LMTK2: variants seen among roughly 807,000 people sequenced by gnomAD.
The protein encoded by LMTK2 is lemur tail kinase 2.
Under a neutral mutation model 127.5 loss-of-function variants are expected in LMTK2, and 37 were observed. The ratio of observed to expected loss-of-function variants is 0.29; its 90% CI spans 0.22 to 0.38. The LOEUF (loss-of-function observed/expected upper bound fraction) is 0.38. Ranked by LOEUF, LMTK2 falls within the 10% of genes least tolerant of loss-of-function variation. LMTK2 has a pLI of 1.00. For synonymous variants in LMTK2, 819 were observed against 810.1 expected (o/e 1.01, Z -0.19); for missense variants, 1,694 against 1,920.3 (o/e 0.88, Z 2.20).
chr7:98,199,990 G>T (rs1469154581), intron 11 of LMTK2, among the ~76,000 whole-genome samples: 1 of 151,982 alleles, frequency 6.6e-6, no homozygotes, highest in Admixed American at 6.6e-5. Flanking sequence ...TGATATTTTG[G>T]ATTTACGTAT....
In LMTK2 at chr7:98,193,483, C is replaced by T. The variant is rs373570191; in HGVS notation, c.3018C>T (p.His1006=). 2.7e-5 allele frequency: 43 copies of T among 1,614,042 alleles called. No individual in the cohort carries two copies. Among genetic ancestry groups the T allele is most frequent in the Middle Eastern group, 1.6e-4 (1 of 6,082 alleles). ...ACTCTCTGGAGTCAGTGGATGTCCA[C>T]GAAGCGCTACTGGACTCTTTAGGAT... ...TPDSLESVDV[H]EALLDSLGSH... is the part of the protein sequence containing the mutation. The change falls in exon 11 of 14, where the codon CAC becomes CAT. Residue 1006 remains histidine, a synonymous_variant. Coordinates refer to ENST00000297293, the MANE Select transcript of LMTK2 (RefSeq NM_014916.4). This position sits in a 1 kb window ranked among gnomAD's most constrained non-coding sequence, Gnocchi z 4.1.
chr7:98,106,921 C>G lies in LMTK2; in HGVS notation c.-257C>G. The G allele has an allele frequency of 2.2e-6, 1 of 453,014 alleles. No homozygotes were observed. The allele number at this position is 453,014 out of a possible 1,614,324, so 28.1% of individuals were successfully genotyped here. ...GCGGCTTCCCAGGCCCGCCGCTCCG[C>G]AGGGCTGCTGGCGTTGCTGCTGTTG... On this transcript the variant is annotated 5_prime_UTR_variant, in exon 1 of 14. Coordinates refer to ENST00000297293, the MANE Select transcript of LMTK2 (RefSeq NM_014916.4).
chr7:98,158,464 C>T (rs1007167853), intron 5 of LMTK2, among the ~76,000 whole-genome samples: 3 of 152,102 alleles, frequency 2.0e-5, no homozygotes, highest in Non-Finnish European at 4.4e-5. Flanking sequence ...TTGTACAGAT[C>T]TGGTCTCCCT....
Position 98,173,306 on chromosome 7 carries a change from G to GT in LMTK2, c.791+1645dup, listed in dbSNP as rs34546502. Among the ~76,000 whole-genome samples, 487 of 142,526 alleles carry GT rather than the reference G, an allele frequency of 3.4e-3. 2 individuals carry two copies. The highest frequency in any genetic ancestry group is 0.014 in the South Asian group (63 of 4,522). The allele number at this position is 142,526 out of a possible 152,430, so 93.5% of individuals were successfully genotyped here. A position where few individuals can be genotyped will look rare whatever the true frequency, so the allele number is the denominator to read the frequency against. ...AGTAAACAAATCATTCTGGTAAAGT[G>GT]TTTTTTTTTTTTTAAAGACTCAAAA... On this transcript the variant is annotated intron_variant, in intron 7 of 13. Coordinates refer to ENST00000297293, the MANE Select transcript of LMTK2 (RefSeq NM_014916.4).
chr7:98,126,423 T>G (rs532306019), intron 1 of LMTK2: 35 of 152,388 alleles, frequency 2.3e-4, no homozygotes. Context: ...TGCATCGGCT[T>G]CCGGAGTGTG....
In LMTK2 at chr7:98,108,471, T is replaced by C. The variant is rs1796150368; in HGVS notation, c.103+1191T>C. Among the ~76,000 whole-genome samples the C allele has an allele frequency of 2.0e-5, 3 of 152,352 alleles. No individual in the cohort carries two copies. The South Asian group carries it at 6.2e-4, about 32-fold the overall frequency. ...AGCTACATCAGGGTTTGTCATTGAG[T>C]GCCCTTTAGTTGAACGTTAAATGTC... On this transcript the variant is annotated intron_variant, in intron 1 of 13. Transcript: ENST00000297293.
chr7:98,153,505 T>TGA (rs1271056829), intron 4 of LMTK2, among the ~76,000 whole-genome samples: 12 of 152,192 alleles, frequency 7.9e-5, no homozygotes, highest in African/African-American at 2.9e-4. Flanking sequence ...TGGTACATCC[T>TGA]TGCGTGGAAT....
intron 9 of LMTK2, among the ~76,000 whole-genome samples, chr7:98,188,631 A>T (rs1329039067): frequency 1.3e-5 from 2 of 152,144 alleles, no homozygotes; most frequent in Non-Finnish European, 2.9e-5. Context: ...TTTGCAGGGC[A>T]TAGTGTTCTT....
At chr7:98,141,747 G>A (rs1218790551) in intron 3 of LMTK2, among the ~76,000 whole-genome samples, 2 of 152,116 alleles carry the variant, frequency 1.3e-5, no homozygotes. Context: ...CCCTGGGTCT[G>A]GTATGAGAAT....
chr7:98,182,281 A>G (rs933489950), intron 7 of LMTK2, among the ~76,000 whole-genome samples: 2 of 152,252 alleles, frequency 1.3e-5, no homozygotes, highest in Non-Finnish European at 2.9e-5. Flanking sequence ...TAATCAAAAG[A>G]CACTATCAAT....
intron 5 of LMTK2, among the ~76,000 whole-genome samples, chr7:98,158,873 A>G (rs1034817594): frequency 6.6e-6 from 1 of 152,146 alleles, no homozygotes; most frequent in Admixed American, 6.5e-5. Flanking sequence ...TTAAAATATT[A>G]TCTCCTAACT....
rs767601909 is a variant in LMTK2 at position 98,194,000 on chromosome 7, A to T, written c.3535A>T (p.Thr1179Ser). 44 of 1,614,126 alleles carry T rather than the reference A, an allele frequency of 2.7e-5. No homozygotes were observed. Among genetic ancestry groups the T allele is most frequent in the Non-Finnish European group, 2.6e-5 (31 of 1,180,042 alleles). The change falls in exon 11 of 14, where the codon ACG becomes TCG. Residue 1179 changes from threonine to serine, a missense_variant. Physicochemically the swap from Thr to Ser is moderately conservative, Grantham distance 58. This residue lies in a region of LMTK2 where 554 missense variants were observed against 567.7 expected (regional missense o/e 0.98). Transcript: ENST00000297293. This position sits in a 1 kb window ranked among gnomAD's most constrained non-coding sequence, Gnocchi z 4.1. ...CTCCAGTGACCTGGAATTAAGAGCC[A>T]CGCCGGAGCCAGCACAGACTGGTGT... ...HNSSDLELRA[T>S]PEPAQTGVPQ...
At chr7:98,124,049 C>T (rs1796408006) in intron 1 of LMTK2, among the ~76,000 whole-genome samples, 1 of 152,074 alleles carries the variant, frequency 6.6e-6, no homozygotes, top group African/African-American at 2.4e-5. Flanking sequence ...GTCTGTTTCC[C>T]TCAGGTTCCT....
chr7:98,118,333 G>A (rs1451373451), intron 1 of LMTK2, among the ~76,000 whole-genome samples: 5 of 152,120 alleles, frequency 3.3e-5, no homozygotes, highest in African/African-American at 4.8e-5. Flanking sequence ...GAATATGAAC[G>A]AAACCTCTTT....
chr7:98,190,506 C>T (rs1292474712), intron 9 of LMTK2, among the ~76,000 whole-genome samples: 3 of 152,138 alleles, frequency 2.0e-5, no homozygotes, highest in East Asian at 1.9e-4. Flanking sequence ...CACTTGAACC[C>T]GGGAGGCAGA....
intron 11 of LMTK2, among the ~76,000 whole-genome samples, chr7:98,198,393 G>A (rs1392572694): frequency 1.3e-5 from 2 of 152,118 alleles, no homozygotes; most frequent in Non-Finnish European, 2.9e-5. Context: ...GTTTCACCAT[G>A]TTGGCCAGGA....
chr7:98,167,280 A>G (rs752582083), intron 6 of LMTK2, among the ~76,000 whole-genome samples: 10 of 152,238 alleles, frequency 6.6e-5, no homozygotes, highest in Non-Finnish European at 1.2e-4. Context: ...TTAGAGACAC[A>G]ATAGGGAACT....
Position 98,134,631 on chromosome 7 carries a change from A to G in LMTK2, c.104-2684A>G, listed in dbSNP as rs145129368. Among the ~76,000 whole-genome samples the G allele has an allele frequency of 3.4e-4, 52 of 151,792 alleles. 1 individual carries two copies. The East Asian group carries it at 9.7e-3, about 28-fold the overall frequency. On this transcript the variant is annotated intron_variant, in intron 1 of 13. Transcript: ENST00000297293. ...GGAGTTCAAGACCAGCCTGGACAAC[A>G]TAGTGAGACTCCCATCTCTCAATAG...
At chr7:98,190,579 TAAAAC>T (rs755100245) in intron 9 of LMTK2, 144 bp from the exon 10 acceptor site, 30 of 818,756 alleles carry the variant, frequency 3.7e-5, no homozygotes, top group East Asian at 4.9e-5. Flanking sequence ...GACTCTGTCT[TAAAAC>T]AACAACAACA....
Sources: gnomAD v4.1 joint callset for allele counts (sites outside exome capture counted in the v4.1 genomes callset) on GRCh38, gnomAD v4.1.1 for gene constraint, gnomAD v4.1.1 regional missense constraint, Gnocchi (gnomAD v3.1) non-coding constraint, MANE v1.5 for transcripts, NCBI Gene and HGNC (gene_info 2026-07-23, HGNC 2026-07-21) for gene names.